Variants in KCNIP1 observed in about 807,000 individuals in gnomAD.
The protein encoded by KCNIP1 is potassium voltage-gated channel interacting protein 1.
KCNIP1 carries 18 observed loss-of-function variants against 33.0 expected under a neutral mutation model. The ratio of observed to expected loss-of-function variants is 0.55; its 90% CI spans 0.38 to 0.81. The LOEUF is 0.81. Ranked by LOEUF, KCNIP1 falls within the 30% of genes least tolerant of loss-of-function variation. KCNIP1 has a pLI of 0.00. For missense variants in KCNIP1, 238 were observed against 271.6 expected (o/e 0.88, Z 0.87); for synonymous variants, 93 against 98.3 (o/e 0.95, Z 0.32).
intron 1 of KCNIP1, among the ~76,000 whole-genome samples, chr5:170,627,959 G>A (rs1174754439): frequency 1.3e-5 from 2 of 152,176 alleles, no homozygotes; most frequent in African/African-American, 4.8e-5. Flanking sequence ...TAACCAAAAT[G>A]CCTTCATCCC....
intron 1 of KCNIP1, among the ~76,000 whole-genome samples, chr5:170,550,373 A>T (rs1488162438): frequency 6.6e-6 from 1 of 152,216 alleles, no homozygotes; most frequent in East Asian, 1.9e-4. Context: ...TCCCAAAACA[A>T]TCCCTCTAAA....
At chr5:170,513,314 C>A (rs1229906010) in intron 1 of KCNIP1, among the ~76,000 whole-genome samples, 1 of 152,198 alleles carries the variant, frequency 6.6e-6, no homozygotes. Flanking sequence ...AATCACACAG[C>A]TCAAGTGTTA....
chr5:170,509,114 G>A (rs1391409578), intron 1 of KCNIP1, among the ~76,000 whole-genome samples: 1 of 152,140 alleles, frequency 6.6e-6, no homozygotes, highest in Admixed American at 6.5e-5. Context: ...GCTTCCCACC[G>A]GAATTTCAGT....
chr5:170,733,779 A>G (rs1250074261), intron 6 of KCNIP1, 57 bp from the exon 7 acceptor site: 1 of 1,401,952 alleles, frequency 7.1e-7, no homozygotes, highest in African/African-American at 1.4e-5. Flanking sequence ...GCAGGGGAGT[A>G]AGCTTTGGAA....
At chr5:170,622,707 G>A (rs997145211) in intron 1 of KCNIP1, among the ~76,000 whole-genome samples, 3 of 151,926 alleles carry the variant, frequency 2.0e-5, no homozygotes, top group Admixed American at 6.6e-5. Flanking sequence ...GGGATGCAGC[G>A]CGAGGCTAAG....
rs113883857 is a variant in KCNIP1 at position 170,353,619 on chromosome 5, G to C, written c.-258G>C. 7.4e-3 allele frequency: 4,143 copies of C among 558,196 alleles called. 140 individuals are homozygous for C. Among genetic ancestry groups the C allele is most frequent in the African/African-American group, 0.069 (3,633 of 52,942 alleles). The allele number at this position is 558,196 out of a possible 1,614,324, so 34.6% of individuals were successfully genotyped here. A position where few individuals can be genotyped will look rare whatever the true frequency, so the allele number is the denominator to read the frequency against. ...TGCTGTCCCGGCCCTGGCATCCTGA[G>C]GTCCTCCCGTGGTGAGGACTTAAGT... On this transcript the variant is annotated 5_prime_UTR_variant, in exon 1 of 8. Transcript: ENST00000377360.
intron 1 of KCNIP1, among the ~76,000 whole-genome samples, chr5:170,552,880 T>C (rs1360317902): frequency 1.3e-5 from 2 of 152,166 alleles, no homozygotes; most frequent in Non-Finnish European, 2.9e-5. Context: ...CAGCTGACGC[T>C]GACGATGAGT....
chr5:170,486,996 T>C (rs547575083), intron 1 of KCNIP1, among the ~76,000 whole-genome samples: 100 of 152,336 alleles, frequency 6.6e-4, no homozygotes, highest in African/African-American at 2.4e-3. Context: ...TGTGTGTATA[T>C]ATATTATACA....
intron 1 of KCNIP1, among the ~76,000 whole-genome samples, chr5:170,566,902 G>A (rs1757224020): frequency 6.6e-6 from 1 of 152,238 alleles, no homozygotes; most frequent in African/African-American, 2.4e-5. Context: ...ATATGGCATG[G>A]AGTACCACGA....
chr5:170,362,520 A>G (rs2113290047), intron 1 of KCNIP1, among the ~76,000 whole-genome samples: 1 of 152,290 alleles, frequency 6.6e-6, no homozygotes, highest in East Asian at 1.9e-4. Context: ...ACCGTTACCC[A>G]TAGGTCACCT....
chr5:170,549,032 G>A lies in KCNIP1; in HGVS notation c.61+44399G>A, dbSNP rs529283629. On this transcript the variant is annotated intron_variant, in intron 1 of 7. Transcript: ENST00000328939. ...GACCTCACGGTCACTGTGAGGGATG[G>A]GGGTCTCTGCTTGGCTTCTGAACAC... Among the ~76,000 whole-genome samples, 335 of 152,148 alleles carry A rather than the reference G, an allele frequency of 2.2e-3. 2 individuals are homozygous for A. Among genetic ancestry groups the A allele is most frequent in the Admixed American group, 2.9e-3 (44 of 15,270 alleles).
intron 1 of KCNIP1, among the ~76,000 whole-genome samples, chr5:170,459,289 A>G (rs565762381): frequency 6.6e-6 from 1 of 152,312 alleles, no homozygotes; most frequent in African/African-American, 2.4e-5. Flanking sequence ...GGTCATCAAG[A>G]CAGAAAGTCA....
chr5:170,378,757 T>C, intron 1 of KCNIP1: 5 of 1,614,122 alleles, frequency 3.1e-6, no homozygotes, highest in Non-Finnish European at 3.4e-6. Flanking sequence ...ACCATGGCGA[T>C]AATGAGGAGG....
intron 1 of KCNIP1, among the ~76,000 whole-genome samples, chr5:170,400,721 C>T (rs1192478926): frequency 2.0e-5 from 3 of 152,228 alleles, no homozygotes; most frequent in African/African-American, 7.2e-5. Context: ...GGTGGAAACA[C>T]AGCATTTCTT....
chr5:170,645,071 T>G (rs1369839089), intron 1 of KCNIP1, among the ~76,000 whole-genome samples: 1 of 152,140 alleles, frequency 6.6e-6, no homozygotes, highest in Non-Finnish European at 1.5e-5. Context: ...GAAGGATAGG[T>G]GTAGATCAGC....
At chr5:170,635,530 A>G (rs2113683046) in intron 1 of KCNIP1, among the ~76,000 whole-genome samples, 1 of 152,162 alleles carries the variant, frequency 6.6e-6, no homozygotes. Flanking sequence ...TTACATCACA[A>G]CCTGAAGCCC....
At chr5:170,465,126 T>G (rs1756582189) in intron 1 of KCNIP1, among the ~76,000 whole-genome samples, 2 of 152,196 alleles carry the variant, frequency 1.3e-5, no homozygotes. Context: ...TGGAGAGAGA[T>G]GCAGACACCC....
chr5:170,386,311 G>T (rs1332977580), intron 1 of KCNIP1, among the ~76,000 whole-genome samples: 1 of 152,170 alleles, frequency 6.6e-6, no homozygotes, highest in East Asian at 1.9e-4. Context: ...GTGACCACAG[G>T]CCAAGGAGTG....
intron 5 of KCNIP1, among the ~76,000 whole-genome samples, chr5:170,731,634 G>C (rs972054794): frequency 6.6e-6 from 1 of 150,950 alleles, no homozygotes; most frequent in African/African-American, 2.4e-5. Flanking sequence ...GGTCGAGGCT[G>C]CAGTGACGGG....
Sources: gnomAD v4.1 joint callset for allele counts (sites outside exome capture counted in the v4.1 genomes callset) on GRCh38, gnomAD v4.1.1 for gene constraint, MANE v1.5 for transcripts, NCBI Gene and HGNC (gene_info 2026-07-23, HGNC 2026-07-21) for gene names.